KIF25: variants seen among roughly 807,000 people sequenced by gnomAD.
KIF25 encodes the protein kinesin family member 25, also known as kinesin-like protein KIF25.
In KIF25, 19 loss-of-function variants were observed where a neutral mutation model predicts 32.9. That is an observed-to-expected ratio of 0.58 (90% confidence interval 0.40 to 0.85). The LOEUF (loss-of-function observed/expected upper bound fraction) is 0.85. KIF25 is among the 40% of genes least tolerant of loss of function. KIF25 has a pLI of 0.00. For synonymous variants in KIF25, 225 were observed against 213.7 expected, an observed-to-expected ratio of 1.05 and a Z score of -0.46; for missense variants, 485 against 507.0, an observed-to-expected ratio of 0.96 and a Z score of 0.42.
intron 2 of KIF25, among the ~76,000 whole-genome samples, chr6:168,002,184 C>T (rs1393318311): frequency 2.1e-5 from 2 of 96,660 alleles, no homozygotes; most frequent in African/African-American, 4.7e-5. Flanking sequence ...ACACCTGAGG[C>T]GTGGCCTCGG....
chr6:168,042,473 G>A, intron 11 of KIF25, 88 bp from the exon 12 acceptor site: 3 of 1,512,072 alleles, frequency 2.0e-6, no homozygotes, highest in Non-Finnish European at 1.8e-6. Context: ...CTACCTGCCT[G>A]AGAGCCGCTC....
chr6:168,037,610 C>G (rs1387674414), intron 8 of KIF25, among the ~76,000 whole-genome samples: 3 of 151,948 alleles, frequency 2.0e-5, no homozygotes, highest in Non-Finnish European at 4.4e-5. Context: ...AGGGTTAGCA[C>G]TCACCCATTT....
intron 12 of KIF25, 108 bp from the exon 13 acceptor site, chr6:168,044,718 CG>C (rs1799192518): frequency 1.7e-6 from 2 of 1,162,798 alleles, no homozygotes; most frequent in Non-Finnish European, 2.4e-6. Flanking sequence ...GCTGGGGCGC[CG>C]GGCGGCCCTC....
chr6:168,040,573 A>AAG (rs1554251936), intron 10 of KIF25, among the ~76,000 whole-genome samples: 195 of 151,566 alleles, frequency 1.3e-3, no homozygotes, highest in African/African-American at 4.5e-3. Flanking sequence ...TTAAAAAAAA[A>AAG]AAGAAGAAGA....
chr6:168,044,934 C>T lies in KIF25; in HGVS notation c.1093C>T (p.Arg365Ter), dbSNP rs756272849. The T allele has an allele frequency of 4.7e-5, 76 of 1,612,018 alleles. 1 individual carries two copies. In the East Asian group the frequency reaches 1.5e-3, roughly 31 times the overall value. The change falls in exon 13 of 13, where the codon CGA becomes TGA. Residue 365 changes from arginine (R) to a stop codon, truncating the protein, a stop_gained. Coordinates refer to ENST00000643607, the MANE Select transcript of KIF25 (RefSeq NM_030615.4). LOFTEE classifies it low-confidence loss of function (END_TRUNC). ...GFGIRARQVQ[R>*]GPARKKPPSS... ...CGGGATCCGAGCTCGGCAAGTCCAG[C>T]GAGGCCCTGCCCGAAAGAAGCCGCC...
At chr6:168,019,975 T>C (rs991082248) in intron 5 of KIF25, among the ~76,000 whole-genome samples, 1 of 151,972 alleles carries the variant, frequency 6.6e-6, no homozygotes, top group African/African-American at 2.4e-5. Flanking sequence ...CTACCAAAAA[T>C]ACAAAAATTA....
intron 4 of KIF25, among the ~76,000 whole-genome samples, chr6:168,015,885 T>C (rs1197166343): frequency 6.6e-6 from 1 of 152,206 alleles, no homozygotes; most frequent in African/African-American, 2.4e-5. Context: ...GTTTCTTGTA[T>C]GGTGTCCCTT....
chr6:168,036,093 C>A, intron 8 of KIF25: 1 of 186,160 alleles, frequency 5.4e-6, no homozygotes, highest in Non-Finnish European at 1.2e-5. Flanking sequence ...TTGCTGAAGT[C>A]ACCAGATAAG....
rs368371353 is a variant in KIF25, at chr6:168,038,678, A to T, written c.443A>T (p.Glu148Val). 18 of 1,614,050 alleles carry T rather than the reference A, an allele frequency of 1.1e-5. No individual in the cohort carries two copies. The highest frequency in any genetic ancestry group is 1.5e-5 in the Non-Finnish European group (18 of 1,180,024). The change falls in exon 9 of 13, where the codon GAG (glutamate) becomes GTG (valine). Residue 148 changes from glutamate to valine, a missense_variant. Coordinates refer to ENST00000643607, the MANE Select transcript of KIF25 (RefSeq NM_030615.4). ...GCAGCAGTGTCGGGGGTCAAGCGTG[A>T]GGTGGTGACAGCCAAGGATGGACGG... is the stretch of plus-strand genomic sequence containing the variant. ...SIAAVSGVKREVVTAKDGRTE... is the reference protein window; with the variant it reads ...SIAAVSGVKRVVVTAKDGRTE...
At chr6:168,022,780 T>G (rs550389859) in intron 5 of KIF25, among the ~76,000 whole-genome samples, 28 of 151,258 alleles carry the variant, frequency 1.9e-4, no homozygotes, top group African/African-American at 6.8e-4. Context: ...TTTTTTTTTT[T>G]TTTTTGGTAG....
At position 168,041,946 on chromosome 6, in the gene KIF25, C is replaced by T. The variant is rs763108553; in HGVS notation, c.647-23C>T. 2.2e-5 allele frequency: 34 copies of T among 1,549,088 alleles called. 2 individuals carry two copies. In the South Asian group the frequency reaches 3.5e-4, roughly 16 times the overall value. On this transcript the variant is annotated intron_variant, in intron 10 of 12. Coordinates refer to ENST00000643607, the MANE Select transcript of KIF25 (RefSeq NM_030615.4). ...GGCTTCATGCAACTGTTTTCCTCCTCGTCGCTCCTTGGTCCCTTGCAGCAG... is the reference window on the plus strand; with the variant it reads ...GGCTTCATGCAACTGTTTTCCTCCTTGTCGCTCCTTGGTCCCTTGCAGCAG...
At chr6:168,005,957 A>G (rs535726057) in intron 4 of KIF25, among the ~76,000 whole-genome samples, 1 of 152,328 alleles carries the variant, frequency 6.6e-6, no homozygotes, top group East Asian at 1.9e-4. Flanking sequence ...GACCCCATCT[A>G]CTGACGAGAA....
chr6:168,034,452 T>A (rs1223429519), intron 8 of KIF25, among the ~76,000 whole-genome samples: 1 of 151,908 alleles, frequency 6.6e-6, no homozygotes, highest in Non-Finnish European at 1.5e-5. Context: ...AGAGACGGAG[T>A]TTCGCTGTGT....
chr6:168,009,820 A>ATT (rs1198456948), intron 4 of KIF25, among the ~76,000 whole-genome samples: 4 of 151,986 alleles, frequency 2.6e-5, no homozygotes, highest in Non-Finnish European at 4.4e-5. Flanking sequence ...GTATCCAGGA[A>ATT]TTTATCTGTT....
In KIF25 at chr6:168,038,917, C is replaced by T. The variant is rs530897567; in HGVS notation, c.494+188C>T. On this transcript the variant is annotated intron_variant, in intron 9 of 12. Coordinates refer to ENST00000643607, the MANE Select transcript of KIF25 (RefSeq NM_030615.4). ...TGGTTCCTTGTGTGTTTTCATGCTTCGTATGTGTTGCACAACTCTCAATTT... is the reference window on the plus strand; with the variant it reads ...TGGTTCCTTGTGTGTTTTCATGCTTTGTATGTGTTGCACAACTCTCAATTT... Among the ~76,000 whole-genome samples, 4 of 152,270 alleles carry T rather than the reference C, an allele frequency of 2.6e-5. No homozygotes were observed. The East Asian group carries it at 5.8e-4, about 22-fold the overall frequency.
intron 8 of KIF25, among the ~76,000 whole-genome samples, chr6:168,034,669 G>A (rs1240305413): frequency 6.6e-6 from 1 of 152,168 alleles, no homozygotes; most frequent in African/African-American, 2.4e-5. Flanking sequence ...GAAGCACAGA[G>A]GGAAAACTCC....
At chr6:168,026,896 T>C (rs1798867420) in intron 5 of KIF25, among the ~76,000 whole-genome samples, 1 of 152,180 alleles carries the variant, frequency 6.6e-6, no homozygotes, top group Non-Finnish European at 1.5e-5. Context: ...GACACATTTG[T>C]GTGAAATTTC....
chr6:168,010,288 T>C (rs577497064), intron 4 of KIF25, among the ~76,000 whole-genome samples: 1 of 152,162 alleles, frequency 6.6e-6, no homozygotes, highest in South Asian at 2.1e-4. Flanking sequence ...AATTTTAACT[T>C]TTTTGCTGTG....
At chr6:168,017,543 G>A (rs1347752408) in intron 4 of KIF25, among the ~76,000 whole-genome samples, 3 of 152,200 alleles carry the variant, frequency 2.0e-5, no homozygotes, top group Non-Finnish European at 4.4e-5. Context: ...GGTTACGATG[G>A]AATATAATGA....
Sources: gnomAD v4.1 joint callset for allele counts (sites outside exome capture counted in the v4.1 genomes callset) on GRCh38, gnomAD v4.1.1 for gene constraint, MANE v1.5 for transcripts, NCBI Gene and HGNC (gene_info 2026-07-23, HGNC 2026-07-21) for gene names.